The following NCAM1 variants were observed in gnomAD, a reference collection of about 807,000 sequenced individuals.
NCAM1 encodes neural cell adhesion molecule 1.
In NCAM1, 14 loss-of-function variants were observed where a neutral mutation model predicts 109.8. That is an observed-to-expected ratio of 0.13 (90% CI 0.08 to 0.20). The LOEUF (loss-of-function observed/expected upper bound fraction) is 0.20. Ranked by LOEUF, NCAM1 falls within the 10% of genes least tolerant of loss-of-function variation. The pLI, the probability that NCAM1 is intolerant of heterozygous loss-of-function variation, is 1.00. For synonymous variants in NCAM1, 418 were observed against 442.9 expected (o/e 0.94, Z 0.70); for missense variants, 774 against 1,109.9 (o/e 0.70, Z 4.30).
chr11:113,134,650 C>T (rs2136147958), intron 1 of NCAM1, among the ~76,000 whole-genome samples: 1 of 152,304 alleles, frequency 6.6e-6, no homozygotes, highest in South Asian at 2.1e-4. Flanking sequence ...CATCCTTTCT[C>T]TTCCCTACTT....
chr11:113,032,474 G>C (rs1555078492), intron 1 of NCAM1, among the ~76,000 whole-genome samples: 1 of 152,178 alleles, frequency 6.6e-6, no homozygotes, highest in African/African-American at 2.4e-5. Flanking sequence ...TCACAGGAAA[G>C]AGGGAGTGGC....
chr11:113,017,128 C>T (rs980063043), intron 1 of NCAM1, among the ~76,000 whole-genome samples: 1 of 152,166 alleles, frequency 6.6e-6, no homozygotes, highest in Non-Finnish European at 1.5e-5. Context: ...CTTGACTCTT[C>T]AGCAGTTTCC....
chr11:113,084,982 C>T (rs146577712), intron 1 of NCAM1, among the ~76,000 whole-genome samples: 36 of 152,250 alleles, frequency 2.4e-4, no homozygotes, highest in South Asian at 1.9e-3. Context: ...CCTGGACCCC[C>T]GATGGTGTCT....
chr11:113,262,738 GTC>G, intron 17 of NCAM1: 1 of 1,221,516 alleles, frequency 8.2e-7, no homozygotes, highest in South Asian at 1.6e-5. Flanking sequence ...CCCTTCCTGT[GTC>G]TGTCGTCACA....
chr11:113,266,191 A>G (rs922200447), intron 17 of NCAM1, among the ~76,000 whole-genome samples: 7 of 152,148 alleles, frequency 4.6e-5, no homozygotes, highest in African/African-American at 1.2e-4. Context: ...TTGTTCTTCT[A>G]GTTATCTTGG....
chr11:113,108,703 T>C (rs782749738), intron 1 of NCAM1, among the ~76,000 whole-genome samples: 3 of 152,088 alleles, frequency 2.0e-5, no homozygotes, highest in Non-Finnish European at 4.4e-5. Flanking sequence ...TGATACTCAA[T>C]TGCTTTTTAT....
chr11:113,015,700 C>T (rs369060646), intron 1 of NCAM1, among the ~76,000 whole-genome samples: 23 of 151,926 alleles, frequency 1.5e-4, no homozygotes, highest in East Asian at 1.2e-3. Context: ...CATGTCACTG[C>T]ACCCAGCCTG....
rs77983511 is a variant in NCAM1 at position 113,164,612 on chromosome 11, T to A, written c.53-37767T>A. Among the ~76,000 whole-genome samples, 266 of 152,270 alleles carry A rather than the reference T, an allele frequency of 1.7e-3. 8 individuals carry two copies. The East Asian group carries it at 0.039, about 22-fold the overall frequency. On this transcript the variant is annotated intron_variant, in intron 1 of 19. Transcript: ENST00000316851. Reference sequence around the variant, plus strand: ...ACATTTACTGATTCATGATAAAGGATAAGGATATTACAGAGGATATAGTTG... The same window carrying A: ...ACATTTACTGATTCATGATAAAGGAAAAGGATATTACAGAGGATATAGTTG...
chr11:113,084,255 C>T (rs1555087843), intron 1 of NCAM1, among the ~76,000 whole-genome samples: 1 of 152,128 alleles, frequency 6.6e-6, no homozygotes, highest in East Asian at 1.9e-4. Flanking sequence ...GTTAGTGCTT[C>T]ATTAAATTTT....
intron 1 of NCAM1, among the ~76,000 whole-genome samples, chr11:113,120,195 A>G (rs1940898948): frequency 6.6e-6 from 1 of 152,228 alleles, no homozygotes; most frequent in Non-Finnish European, 1.5e-5. Flanking sequence ...CTATGCTGGC[A>G]CTTTTGTTTT....
intron 1 of NCAM1, among the ~76,000 whole-genome samples, chr11:113,111,473 AGG>A (rs1555093689): frequency 1.3e-5 from 2 of 152,186 alleles, no homozygotes; most frequent in East Asian, 3.9e-4. Context: ...CAATACTACA[AGG>A]AAAGAAAACA....
intron 14 of NCAM1, chr11:113,243,499 A>C (rs782204481): frequency 2.8e-5 from 14 of 503,732 alleles, no homozygotes; most frequent in Non-Finnish European, 5.6e-5. Context: ...GCTGGAATTT[A>C]TCTCTTGACA....
chr11:113,099,708 A>C (rs1939779821), intron 1 of NCAM1, among the ~76,000 whole-genome samples: 1 of 152,128 alleles, frequency 6.6e-6, no homozygotes, highest in Admixed American at 6.5e-5. Context: ...ATCATTTTTG[A>C]GATGGAGTCT....
chr11:112,969,726 T>C (rs1555066425), intron 1 of NCAM1, among the ~76,000 whole-genome samples: 1 of 152,188 alleles, frequency 6.6e-6, no homozygotes, highest in East Asian at 1.9e-4. Flanking sequence ...AATGTTTGTT[T>C]AAAAAGGTGT....
intron 1 of NCAM1, among the ~76,000 whole-genome samples, chr11:113,170,638 C>G (rs1942959262): frequency 6.6e-6 from 1 of 151,868 alleles, no homozygotes; most frequent in Non-Finnish European, 1.5e-5. Context: ...ATGTGTCTTG[C>G]TTTGTTTTTT....
Position 113,204,398 on chromosome 11 carries a change from C to A in NCAM1, c.240C>A (p.Thr80=). Residue 80 remains threonine, a synonymous_variant, in exon 3 of 20, where the codon ACC becomes ACA. Transcript: ENST00000316851. ...TGTGGAATGATGATTCCTCCTCCAC[C>A]CTCACCATCTATAACGCCAACATCG... is the stretch of plus-strand genomic sequence containing the variant. ...SVVWNDDSSS[T]LTIYNANIDD... The A allele has an allele frequency of 1.2e-6, 2 of 1,613,990 alleles. No individual in the cohort carries two copies. Among genetic ancestry groups the A allele is most frequent in the Non-Finnish European group, 1.7e-6 (2 of 1,179,880 alleles).
intron 1 of NCAM1, among the ~76,000 whole-genome samples, chr11:112,981,366 A>C (rs782389047): frequency 2.0e-5 from 3 of 151,986 alleles, no homozygotes; most frequent in South Asian, 4.1e-4. Context: ...TTTAAGATGT[A>C]TTTCTTGTCA....
At chr11:113,271,369 CAAAAAAAAAAAAAAA>C (rs71060298) in intron 18 of NCAM1, among the ~76,000 whole-genome samples, 4 of 66,880 alleles carry the variant, frequency 6.0e-5, no homozygotes, top group East Asian at 4.8e-4. Flanking sequence ...GACTCTGTCT[CAAAAAAAAAAAAAAA>C]AAAAAAAAAA....
At chr11:113,022,484 G>A (rs932579337) in intron 1 of NCAM1, among the ~76,000 whole-genome samples, 2 of 152,134 alleles carry the variant, frequency 1.3e-5, no homozygotes, top group African/African-American at 4.8e-5. Context: ...GTAGCCAGCG[G>A]CTTCATATAA....
Sources: allele counts gnomAD v4.1 joint callset (sites outside exome capture counted in the v4.1 genomes callset), GRCh38; gene constraint gnomAD v4.1.1; transcripts MANE v1.5; gene names NCBI Gene and HGNC (gene_info 2026-07-23, HGNC 2026-07-21).